Variants in ZNF676 observed in about 807,000 individuals in gnomAD.
The protein encoded by ZNF676 is zinc finger protein 676.
ZNF676 carries 4 observed loss-of-function variants against 6.0 expected under a neutral mutation model. The ratio of observed to expected loss-of-function variants is 0.67; its 90% CI spans 0.33 to 1.53. The LOEUF is 1.53. Among genes scored for constraint, ZNF676 ranks in the 40% most tolerant of loss-of-function variants. The pLI is 0.06. For synonymous variants in ZNF676, 198 were observed against 223.1 expected, an observed-to-expected ratio of 0.89 and a Z score of 1.00; for missense variants, 644 against 679.7, an observed-to-expected ratio of 0.95 and a Z score of 0.58.
chr19:22,226,542 G>A, the ZNF676 span, among the ~76,000 whole-genome samples: 1 of 150,604 alleles, frequency 6.6e-6, no homozygotes, highest in Non-Finnish European at 1.5e-5. Flanking sequence ...GTTAAAGAGT[G>A]TTTTATTTTT....
upstream of ZNF676, among the ~76,000 whole-genome samples, chr19:22,219,007 T>G (rs1023270238): frequency 2.0e-5 from 3 of 147,676 alleles, no homozygotes; most frequent in African/African-American, 7.7e-5. Context: ...ATATAAATTT[T>G]AGGATTTTTT....
rs755960965 is a variant in ZNF676, at chr19:22,181,185, A to G, written c.532T>C (p.Phe178Leu). 5.0e-6 allele frequency: 8 copies of G among 1,613,994 alleles called. No homozygotes were observed. Among genetic ancestry groups the G allele is most frequent in the Non-Finnish European group, 6.8e-6 (8 of 1,179,940 alleles). ...TAAGTAAGGGTTGAGGACCAGTTAA[A>G]AGCTTTGCCATTTTCTTCACATTTG... ...SYKCEENGKA[F>L]NWSSTLTYYK... Residue 178 changes from phenylalanine (F) to leucine (L), a missense_variant, in exon 3 of 3, where the codon TTT becomes CTT. Phe to Leu is a conservative substitution (Grantham distance 22). Around this residue, in one of 5 missense-constraint regions of ZNF676, gnomAD observed 280 missense variants for 269.3 expected, o/e 1.04. Transcript: ENST00000397121.
intron 2 of ZNF676, among the ~76,000 whole-genome samples, chr19:22,186,839 T>C (rs555869638): frequency 6.6e-6 from 1 of 152,308 alleles, no homozygotes; most frequent in East Asian, 1.9e-4. Flanking sequence ...CTAACTATCG[T>C]AAATATATAT....
At chr19:22,237,981 C>T in the ZNF676 span, among the ~76,000 whole-genome samples, 46 of 152,300 alleles carry the variant, frequency 3.0e-4, no homozygotes, top group African/African-American at 1.1e-3. Flanking sequence ...GAGACTCTCA[C>T]ACAGGGCAAT....
chr19:22,234,718 G>A, the ZNF676 span, among the ~76,000 whole-genome samples: 2 of 152,184 alleles, frequency 1.3e-5, no homozygotes, highest in East Asian at 1.9e-4. Flanking sequence ...CAGATCACCT[G>A]AGGTCAGGAG....
chr19:22,197,205 C>G (rs568991628), upstream of ZNF676, among the ~76,000 whole-genome samples: 1 of 151,948 alleles, frequency 6.6e-6, no homozygotes, highest in Admixed American at 6.6e-5. Context: ...GGCTGTAATC[C>G]TAGCTACTCG....
chr19:22,214,236 ACAG>A (rs781430533), intron 1 of ZNF676, among the ~76,000 whole-genome samples: 33 of 152,188 alleles, frequency 2.2e-4, no homozygotes, highest in Non-Finnish European at 4.1e-4. Context: ...ATGCAAGGAA[ACAG>A]CAGTTCCCTG....
chr19:22,232,208 T>C, the ZNF676 span, among the ~76,000 whole-genome samples: 10 of 151,958 alleles, frequency 6.6e-5, no homozygotes, highest in African/African-American at 1.9e-4. Flanking sequence ...TCGCTCTGTC[T>C]CCAGGCTGGA....
chr19:22,242,786 G>A, the ZNF676 span, among the ~76,000 whole-genome samples: 206 of 151,576 alleles, frequency 1.4e-3, no homozygotes, highest in Non-Finnish European at 2.3e-3. Context: ...TCAGGAATAA[G>A]GTAAGAGTCA....
At chr19:22,192,867 G>C in intron 2 of ZNF676, 149 bp downstream of exon 2, 1 of 813,444 alleles carries the variant, frequency 1.2e-6, no homozygotes, top group Non-Finnish European at 1.8e-6. Flanking sequence ...AGATGCCCCT[G>C]TGTGAGAGAA....
the ZNF676 span, among the ~76,000 whole-genome samples, chr19:22,231,216 A>AG: frequency 6.6e-6 from 1 of 151,966 alleles, no homozygotes; most frequent in African/African-American, 2.4e-5. Flanking sequence ...ACAAAAAAAA[A>AG]TCTGTATAGA....
chr19:22,257,798 A>C, the ZNF676 span, among the ~76,000 whole-genome samples: 1 of 152,218 alleles, frequency 6.6e-6, no homozygotes, highest in Non-Finnish European at 1.5e-5. Flanking sequence ...CAGGCAGGAG[A>C]GTCACATCAC....
At chr19:22,181,928 A>ATT (rs11309473) in intron 2 of ZNF676, among the ~76,000 whole-genome samples, 4 of 145,120 alleles carry the variant, frequency 2.8e-5, no homozygotes, top group South Asian at 2.2e-4. Flanking sequence ...TCCATTTCTG[A>ATT]TTTTTTTTTT....
the ZNF676 span, among the ~76,000 whole-genome samples, chr19:22,251,703 A>G: frequency 8.6e-5 from 13 of 150,830 alleles, no homozygotes; most frequent in African/African-American, 2.9e-4. Context: ...CAGGAGAATC[A>G]CTTGAACCTG....
At position 22,179,923 on chromosome 19, in the gene ZNF676, G is replaced by C. The variant is rs761415608; in HGVS notation, c.*27C>G. The C allele has an allele frequency of 6.2e-7, 1 of 1,601,038 alleles. No individual in the cohort carries two copies. On this transcript the variant is annotated 3_prime_UTR_variant, in exon 3 of 3. Coordinates refer to ENST00000397121, the MANE Select transcript of ZNF676 (RefSeq NM_001001411.3). ...ATGTTTACTAGACTGAGAATCAGCT[G>C]AAGGATTTACCACATTCTTCACATT...
the ZNF676 span, among the ~76,000 whole-genome samples, chr19:22,221,151 G>C: frequency 4.1e-3 from 624 of 151,750 alleles, 6 homozygotes; most frequent in African/African-American, 0.014. Context: ...TGTTCCTTGA[G>C]GCTAAACAAT....
chr19:22,187,630 A>G (rs1447969180), intron 2 of ZNF676, among the ~76,000 whole-genome samples: 1 of 152,094 alleles, frequency 6.6e-6, no homozygotes, highest in Non-Finnish European at 1.5e-5. Context: ...TAGCCAGTCT[A>G]AAAAGGAAGA....
intron 2 of ZNF676, among the ~76,000 whole-genome samples, chr19:22,185,881 T>C (rs1416506488): frequency 3.3e-5 from 5 of 151,862 alleles, no homozygotes; most frequent in Admixed American, 3.3e-4. Flanking sequence ...TATGGGACTA[T>C]GAAAGGACCA....
At chr19:22,222,951 G>GA in the ZNF676 span, among the ~76,000 whole-genome samples, 1 of 152,190 alleles carries the variant, frequency 6.6e-6, no homozygotes, top group Non-Finnish European at 1.5e-5. Flanking sequence ...AAGTACTAGA[G>GA]AGGGTCTTCC....
Sources: allele counts gnomAD v4.1 joint callset (sites outside exome capture counted in the v4.1 genomes callset), GRCh38; gene constraint gnomAD v4.1.1; regional missense constraint gnomAD v4.1.1; transcripts MANE v1.5; gene names NCBI Gene and HGNC (gene_info 2026-07-23, HGNC 2026-07-21).